The following NEBL variants were observed in gnomAD, a reference collection of about 807,000 sequenced individuals.
NEBL encodes the protein nebulette, also known as LIM and SH3 protein 2.
In NEBL, 122 loss-of-function variants were observed where a neutral mutation model predicts 140.2. That is an observed-to-expected ratio of 0.87 (90% confidence interval 0.75 to 1.01). NEBL has a LOEUF of 1.01. NEBL is among the 50% of genes least tolerant of loss of function. The pLI is 0.00. For missense variants in NEBL, 1,365 were observed against 1,231.3 expected (o/e 1.11, Z -1.62); for synonymous variants, 436 against 398.9 (o/e 1.09, Z -1.11).
intron 1 of NEBL, among the ~76,000 whole-genome samples, chr10:21,272,396 C>A (rs922178246): frequency 3.3e-5 from 5 of 151,958 alleles, no homozygotes; most frequent in African/African-American, 1.2e-4. Context: ...CCAGCCTGGG[C>A]AAAATAGCAA....
At chr10:20,808,317 T>C (rs1238968573) in intron 26 of NEBL, among the ~76,000 whole-genome samples, 193 bp downstream of exon 26, 1 of 149,928 alleles carries the variant, frequency 6.7e-6, no homozygotes, top group Non-Finnish European at 1.5e-5. Flanking sequence ...GAAAATAACA[T>C]GCAAAAATGC....
intron 7 of NEBL, among the ~76,000 whole-genome samples, chr10:20,865,218 T>C (rs546040128): frequency 6.7e-6 from 1 of 150,288 alleles, no homozygotes; most frequent in Non-Finnish European, 1.5e-5. Flanking sequence ...TCTAAAAATG[T>C]AGAACAGAAA....
intron 14 of NEBL, among the ~76,000 whole-genome samples, chr10:20,831,959 G>C: frequency 6.6e-6 from 1 of 152,056 alleles, no homozygotes; most frequent in East Asian, 1.9e-4. Flanking sequence ...AATAAGTGTT[G>C]GTTGCTTCTC....
rs538154986 is a variant in NEBL, at chr10:21,194,153, A to G, written n.349-21676T>C. Among the ~76,000 whole-genome samples, 9 of 151,804 alleles carry G rather than the reference A, an allele frequency of 5.9e-5. 1 individual carries two copies. In the East Asian group the frequency reaches 1.7e-3, roughly 29 times the overall value. On this transcript the variant is annotated intron_variant and non_coding_transcript_variant, in intron 3 of 8. Transcript: ENST00000675702. ...CCATGCCTGGCTAATTTTTTTTTTA[A>G]TAGAGATGGGATTTCAATATTTTAC...
intron 3 of NEBL, among the ~76,000 whole-genome samples, chr10:20,981,126 T>A (rs567817618): frequency 5.9e-5 from 9 of 152,260 alleles, no homozygotes; most frequent in African/African-American, 1.2e-4. Flanking sequence ...CTCACTAAAA[T>A]TCCACTTAAA....
At position 21,075,600 on chromosome 10, in the gene NEBL, T is replaced by G. The variant is rs151071772; in HGVS notation, c.165-55399A>C. 1.1e-3 allele frequency among the ~76,000 whole-genome samples: 172 copies of G among 152,220 alleles called. 1 individual carries two copies. The highest frequency in any genetic ancestry group is 4.0e-3 in the African/African-American group (166 of 41,534). On this transcript the variant is annotated intron_variant, in intron 2 of 6. Transcript: ENST00000417816. ...GATGCAGTTGCCCAAAAGTGAGAGG[T>G]TGGCCACCGGTCTGCAGCGTGGATG...
Position 21,031,057 on chromosome 10 carries a change from G to A in NEBL, c.165-10856C>T, listed in dbSNP as rs544736658. On this transcript the variant is annotated intron_variant, in intron 2 of 6. Transcript: ENST00000417816. Reference sequence around the variant, plus strand: ...TGGAATGAGAACAGAGTAGTAGAAAGAATGAACAATTCTCTCTGTTTGACA... The same window carrying A: ...TGGAATGAGAACAGAGTAGTAGAAAAAATGAACAATTCTCTCTGTTTGACA... 3.9e-5 allele frequency among the ~76,000 whole-genome samples: 6 copies of A among 152,366 alleles called. No individual in the cohort carries two copies. In the South Asian group the frequency reaches 1.2e-3, roughly 32 times the overall value.
At chr10:20,921,397 A>G (rs1279951762) in intron 4 of NEBL, among the ~76,000 whole-genome samples, 2 of 152,084 alleles carry the variant, frequency 1.3e-5, no homozygotes, top group Non-Finnish European at 2.9e-5. Flanking sequence ...CATCCAACTG[A>G]GTTTGGCCAA....
chr10:21,051,884 AC>A (rs1157902210), intron 2 of NEBL, among the ~76,000 whole-genome samples: 1 of 152,106 alleles, frequency 6.6e-6, no homozygotes. Flanking sequence ...TGAAAACTTC[AC>A]CTATGAGGGT....
intron 11 of NEBL, among the ~76,000 whole-genome samples, chr10:20,848,403 T>G (rs1188713642): frequency 6.6e-6 from 1 of 152,188 alleles, no homozygotes; most frequent in African/African-American, 2.4e-5. Context: ...AAATGGTTAC[T>G]TCATATTTCT....
At chr10:21,036,105 G>C (rs1444712847) in intron 2 of NEBL, among the ~76,000 whole-genome samples, 2 of 152,064 alleles carry the variant, frequency 1.3e-5, no homozygotes, top group African/African-American at 4.8e-5. Flanking sequence ...AGAAGGTGCA[G>C]TGAGCCAAGA....
At chr10:20,931,858 G>A (rs1431602695) in intron 4 of NEBL, among the ~76,000 whole-genome samples, 1 of 152,120 alleles carries the variant, frequency 6.6e-6, no homozygotes, top group South Asian at 2.1e-4. Context: ...TATTTCTATA[G>A]GTCAAATTCA....
intron 18 of NEBL, among the ~76,000 whole-genome samples, chr10:20,824,890 G>A (rs1001977287): frequency 6.6e-6 from 1 of 152,108 alleles, no homozygotes; most frequent in African/African-American, 2.4e-5. Context: ...ATCGATGGGT[G>A]CATTTTAAAT....
chr10:21,251,508 G>A (rs1301125619), intron 2 of NEBL, among the ~76,000 whole-genome samples: 1 of 152,166 alleles, frequency 6.6e-6, no homozygotes, highest in East Asian at 1.9e-4. Context: ...TGAAACCTGT[G>A]AATGTAACCT....
chr10:20,976,348 A>G (rs1177905184), intron 3 of NEBL, among the ~76,000 whole-genome samples: 1 of 151,948 alleles, frequency 6.6e-6, no homozygotes, highest in Non-Finnish European at 1.5e-5. Flanking sequence ...AAAAAAAAAA[A>G]AAAAAAGTTT....
chr10:20,951,672 T>C (rs551750312), intron 4 of NEBL, among the ~76,000 whole-genome samples: 1 of 152,314 alleles, frequency 6.6e-6, no homozygotes, highest in East Asian at 1.9e-4. Context: ...GTTTTAAACC[T>C]GCCTCTAAAA....
intron 26 of NEBL, chr10:20,804,455 T>C (rs938058592): frequency 3.3e-4 from 50 of 152,222 alleles, no homozygotes; most frequent in African/African-American, 1.1e-3. Context: ...CCTACCATTA[T>C]GGCCTCTAGC....
intron 4 of NEBL, among the ~76,000 whole-genome samples, chr10:20,918,024 G>A (rs1833390358): frequency 6.6e-6 from 1 of 152,144 alleles, no homozygotes; most frequent in Admixed American, 6.5e-5. Flanking sequence ...TGAAAATAGT[G>A]GCTGAAATAC....
intron 2 of NEBL, among the ~76,000 whole-genome samples, chr10:21,083,411 T>C (rs1265836880): frequency 6.6e-6 from 1 of 152,132 alleles, no homozygotes; most frequent in African/African-American, 2.4e-5. Flanking sequence ...CTTGTAGCAA[T>C]GATCTGTTCA....
Sources: gnomAD v4.1 joint callset for allele counts (sites outside exome capture counted in the v4.1 genomes callset) on GRCh38, gnomAD v4.1.1 for gene constraint, MANE v1.5 for transcripts, NCBI Gene and HGNC (gene_info 2026-07-23, HGNC 2026-07-21) for gene names.